Variants in SLC9A9 observed in about 807,000 individuals in gnomAD.
SLC9A9 encodes the protein sodium/hydrogen exchanger 9.
A neutral mutation model predicts 77.8 loss-of-function variants in SLC9A9; 62 were observed. The observed-to-expected ratio is 0.80, with a 90% confidence interval of 0.65 to 0.98. The LOEUF (loss-of-function observed/expected upper bound fraction) is 0.98. Among genes scored for constraint, SLC9A9 ranks in the 50% least tolerant of loss-of-function variants. SLC9A9 has a pLI of 0.00. For missense variants in SLC9A9, 775 were observed against 774.9 expected, an observed-to-expected ratio of 1.00 and a Z score of 0.00; for synonymous variants, 320 against 283.5, an observed-to-expected ratio of 1.13 and a Z score of -1.29.
chr3:143,741,129 C>T (rs1459976368), intron 4 of SLC9A9, among the ~76,000 whole-genome samples: 1 of 152,126 alleles, frequency 6.6e-6, no homozygotes, highest in Non-Finnish European at 1.5e-5. Flanking sequence ...AAAGAAACCA[C>T]CCAAGATCCT....
intron 11 of SLC9A9, among the ~76,000 whole-genome samples, chr3:143,484,881 T>C (rs945097920): frequency 1.3e-5 from 2 of 152,308 alleles, no homozygotes; most frequent in Non-Finnish European, 1.5e-5. Context: ...AGACCAATAA[T>C]GGGATGCTGG....
chr3:143,304,534 G>A (rs1275430396), intron 14 of SLC9A9, among the ~76,000 whole-genome samples: 1 of 152,180 alleles, frequency 6.6e-6, no homozygotes, highest in East Asian at 1.9e-4. Flanking sequence ...CTTCATCTTG[G>A]CAGCATTCAG....
At chr3:143,518,546 G>A (rs1307544462) in intron 9 of SLC9A9, among the ~76,000 whole-genome samples, 1 of 152,086 alleles carries the variant, frequency 6.6e-6, no homozygotes, top group Non-Finnish European at 1.5e-5. Context: ...TAAATTTTGT[G>A]TCCCTGATTA....
chr3:143,476,750 A>G (rs2035484766), intron 11 of SLC9A9, among the ~76,000 whole-genome samples: 2 of 152,158 alleles, frequency 1.3e-5, no homozygotes, highest in African/African-American at 4.8e-5. Flanking sequence ...AGTGATTTTG[A>G]TCCCTAGGGA....
chr3:143,277,736 A>G (rs1938094453), intron 14 of SLC9A9, among the ~76,000 whole-genome samples: 1 of 152,164 alleles, frequency 6.6e-6, no homozygotes, highest in Non-Finnish European at 1.5e-5. Context: ...TGGTTAGAGG[A>G]AGTGCCACCA....
chr3:143,724,962 G>A (rs1166838330), intron 4 of SLC9A9, among the ~76,000 whole-genome samples: 4 of 152,110 alleles, frequency 2.6e-5, no homozygotes, highest in South Asian at 2.1e-4. Context: ...CAGAAACAGA[G>A]TTTACACAAG....
chr3:143,773,086 A>G (rs1056769278), intron 4 of SLC9A9, among the ~76,000 whole-genome samples: 20 of 152,332 alleles, frequency 1.3e-4, no homozygotes, highest in African/African-American at 4.8e-4. Context: ...TGTTCAAATT[A>G]CTGGTCCCAT....
chr3:143,277,476 A>G (rs1417006248), intron 14 of SLC9A9, among the ~76,000 whole-genome samples: 1 of 152,210 alleles, frequency 6.6e-6, no homozygotes, highest in Non-Finnish European at 1.5e-5. Context: ...GAAGTGTTGC[A>G]TCTATGAACT....
At chr3:143,305,576 A>G (rs569184818) in intron 14 of SLC9A9, among the ~76,000 whole-genome samples, 1 of 152,304 alleles carries the variant, frequency 6.6e-6, no homozygotes, top group African/African-American at 2.4e-5. Context: ...TTATACAGGG[A>G]TGCTGTGCTG....
chr3:143,686,319 G>T (rs1933262381), intron 5 of SLC9A9, among the ~76,000 whole-genome samples: 1 of 152,100 alleles, frequency 6.6e-6, no homozygotes, highest in Non-Finnish European at 1.5e-5. Flanking sequence ...CCACACAGAA[G>T]ACAAAGAAGT....
chr3:143,572,320 TGTGC>T (rs1335941476), intron 8 of SLC9A9, among the ~76,000 whole-genome samples: 2 of 149,138 alleles, frequency 1.3e-5, no homozygotes, highest in Non-Finnish European at 3.0e-5. Flanking sequence ...TGTGTGTGTG[TGTGC>T]GCGTGTGTTT....
intron 14 of SLC9A9, among the ~76,000 whole-genome samples, chr3:143,307,254 A>T (rs780691516): frequency 7.9e-5 from 12 of 152,208 alleles, no homozygotes; most frequent in Non-Finnish European, 5.9e-5. Flanking sequence ...AGCAGTTCTT[A>T]CTTTTTCTCC....
intron 4 of SLC9A9, among the ~76,000 whole-genome samples, chr3:143,780,717 G>GCCTTCTACA (rs1350669972): frequency 0.017 from 2,555 of 152,208 alleles, 71 homozygotes; most frequent in African/African-American, 0.059. Context: ...CTACAGTGTT[G>GCCTTCTACA]GGGATGACTG....
chr3:143,573,156 C>G (rs2108657267), intron 8 of SLC9A9, among the ~76,000 whole-genome samples: 1 of 152,144 alleles, frequency 6.6e-6, no homozygotes, highest in East Asian at 1.9e-4. Flanking sequence ...CATGGTACAC[C>G]CTCAATATAT....
chr3:143,448,441 T>C (rs965653164), intron 12 of SLC9A9, among the ~76,000 whole-genome samples: 1 of 152,100 alleles, frequency 6.6e-6, no homozygotes, highest in Non-Finnish European at 1.5e-5. Flanking sequence ...AAAAGGAACA[T>C]CTTCCTGCAG....
intron 12 of SLC9A9, among the ~76,000 whole-genome samples, chr3:143,454,243 T>G (rs2035052269): frequency 6.6e-6 from 1 of 152,216 alleles, no homozygotes; most frequent in Non-Finnish European, 1.5e-5. Flanking sequence ...ATTTACAGAT[T>G]GGCTGTATTA....
At chr3:143,533,672 T>C (rs1305806340) in intron 9 of SLC9A9, among the ~76,000 whole-genome samples, 1 of 152,196 alleles carries the variant, frequency 6.6e-6, no homozygotes, top group Non-Finnish European at 1.5e-5. Context: ...GGTAAGGGTA[T>C]TTTTAAAAAT....
intron 11 of SLC9A9, among the ~76,000 whole-genome samples, chr3:143,483,183 G>A (rs1193278371): frequency 6.6e-6 from 1 of 152,234 alleles, no homozygotes; most frequent in African/African-American, 2.4e-5. Context: ...TAGTCGTCAT[G>A]TGTGTAGACG....
intron 12 of SLC9A9, among the ~76,000 whole-genome samples, chr3:143,428,281 T>TAGACATTCTGA (rs2034443397): frequency 1.3e-5 from 2 of 152,222 alleles, no homozygotes; most frequent in African/African-American, 4.8e-5. Flanking sequence ...ACATTCTGAA[T>TAGACATTCTGA]AGACATTTTT....
Sources: gnomAD v4.1 joint callset for allele counts (sites outside exome capture counted in the v4.1 genomes callset) on GRCh38, gnomAD v4.1.1 for gene constraint, MANE v1.5 for transcripts, NCBI Gene and HGNC (gene_info 2026-07-23, HGNC 2026-07-21) for gene names.